Variants in DGKI observed in about 807,000 individuals in gnomAD.
DGKI encodes the protein diacylglycerol kinase iota.
A neutral mutation model predicts 147.5 loss-of-function variants in DGKI; 55 were observed. The observed-to-expected ratio is 0.37, with a 90% CI of 0.30 to 0.47. DGKI has a LOEUF of 0.47. Ranked by LOEUF, DGKI falls within the 20% of genes least tolerant of loss-of-function variation. The pLI, the probability that DGKI is intolerant of heterozygous loss-of-function variation, is 1.00. For synonymous variants in DGKI, 469 were observed against 477.1 expected (o/e 0.98, Z 0.22); for missense variants, 1,007 against 1,323.8 (o/e 0.76, Z 3.71).
At chr7:137,428,323 C>A (rs1465236041) in intron 28 of DGKI, among the ~76,000 whole-genome samples, 3 of 152,166 alleles carry the variant, frequency 2.0e-5, no homozygotes, top group South Asian at 2.1e-4. Context: ...TCAATAGATG[C>A]AGAAAAGGCC....
intron 20 of DGKI, among the ~76,000 whole-genome samples, chr7:137,533,637 C>A (rs1432498770): frequency 2.0e-5 from 3 of 152,074 alleles, no homozygotes; most frequent in Non-Finnish European, 4.4e-5. Flanking sequence ...ATAATCACGT[C>A]CCAATTAGAG....
chr7:137,396,043 T>C (rs562202051), intron 31 of DGKI: 6 of 193,086 alleles, frequency 3.1e-5, no homozygotes, highest in African/African-American at 1.4e-4. Context: ...ATTCTCTCTG[T>C]GCATACATTT....
At chr7:137,750,098 A>G (rs1795452375) in intron 1 of DGKI, among the ~76,000 whole-genome samples, 1 of 152,224 alleles carries the variant, frequency 6.6e-6, no homozygotes, top group Non-Finnish European at 1.5e-5. Context: ...ATATCAGCAG[A>G]AACTAAGGGC....
intron 1 of DGKI, among the ~76,000 whole-genome samples, chr7:137,756,439 G>C (rs1795684552): frequency 6.6e-6 from 1 of 152,174 alleles, no homozygotes; most frequent in African/African-American, 2.4e-5. Flanking sequence ...GGTTATTTTT[G>C]TAAGACATGA....
chr7:137,618,151 A>ATATATTT, intron 8 of DGKI, among the ~76,000 whole-genome samples: 136 of 10,488 alleles, frequency 0.013, 1 homozygote, highest in African/African-American at 0.016. Context: ...ATATATATAT[A>ATATATTT]TTTTTTTTTT....
intron 28 of DGKI, among the ~76,000 whole-genome samples, chr7:137,432,924 C>T (rs1371052029): frequency 6.6e-6 from 1 of 152,172 alleles, no homozygotes; most frequent in African/African-American, 2.4e-5. Flanking sequence ...AATCAAGTTG[C>T]TCTGCTGGGT....
At chr7:137,791,590 A>C (rs769718123) in intron 1 of DGKI, among the ~76,000 whole-genome samples, 1 of 152,234 alleles carries the variant, frequency 6.6e-6, no homozygotes, top group Non-Finnish European at 1.5e-5. Context: ...CTTAAGTGTG[A>C]AACTCAGCTG....
chr7:137,687,148 G>A (rs940129416), intron 2 of DGKI, among the ~76,000 whole-genome samples: 6 of 152,040 alleles, frequency 3.9e-5, no homozygotes, highest in East Asian at 1.9e-4. Flanking sequence ...CAGGACCCTC[G>A]TCGTCCCTGC....
intron 30 of DGKI, among the ~76,000 whole-genome samples, chr7:137,399,140 G>C (rs756695530): frequency 3.0e-4 from 45 of 151,888 alleles, no homozygotes; most frequent in Admixed American, 1.5e-3. Context: ...CTGTGACAAG[G>C]TCCTCTCAAA....
intron 18 of DGKI, among the ~76,000 whole-genome samples, chr7:137,571,543 C>T (rs1465260466): frequency 6.6e-6 from 1 of 152,202 alleles, no homozygotes. Flanking sequence ...CTATATTTCT[C>T]ACTATGATTC....
chr7:137,522,485 C>T (rs968621621), intron 20 of DGKI, among the ~76,000 whole-genome samples: 1 of 152,098 alleles, frequency 6.6e-6, no homozygotes, highest in Non-Finnish European at 1.5e-5. Context: ...CTTTTGACAG[C>T]ACCTCTCAGT....
At chr7:137,519,931 G>C (rs1397143558) in intron 21 of DGKI, among the ~76,000 whole-genome samples, 2 of 152,004 alleles carry the variant, frequency 1.3e-5, no homozygotes, top group African/African-American at 4.8e-5. Context: ...TCCCCTTTTA[G>C]AGAGTATATG....
At chr7:137,763,147 C>T (rs1795911223) in intron 1 of DGKI, among the ~76,000 whole-genome samples, 1 of 152,338 alleles carries the variant, frequency 6.6e-6, no homozygotes, top group Non-Finnish European at 1.5e-5. Flanking sequence ...ATGGTAAGGA[C>T]TGCAAAGGAC....
At chr7:137,778,665 C>T (rs1252501363) in intron 1 of DGKI, among the ~76,000 whole-genome samples, 1 of 151,860 alleles carries the variant, frequency 6.6e-6, no homozygotes, top group Admixed American at 6.6e-5. Context: ...AGCAGAGACC[C>T]CCATTAAAAG....
At chr7:137,426,202 G>C (rs4732257) in intron 28 of DGKI, among the ~76,000 whole-genome samples, 1 of 151,994 alleles carries the variant, frequency 6.6e-6, no homozygotes, top group Admixed American at 6.5e-5. Context: ...GCGGATCTCT[G>C]GGCAGAAACT....
At chr7:137,479,233 CT>C (rs1481941031) in intron 23 of DGKI, among the ~76,000 whole-genome samples, 3 of 152,156 alleles carry the variant, frequency 2.0e-5, no homozygotes, top group African/African-American at 7.2e-5. Flanking sequence ...ATATACCATG[CT>C]CCTTTCTATT....
At chr7:137,563,829 A>G (rs1438879659) in intron 19 of DGKI, among the ~76,000 whole-genome samples, 12 of 152,150 alleles carry the variant, frequency 7.9e-5, no homozygotes, top group Non-Finnish European at 1.8e-4. Flanking sequence ...ATGTTCATGG[A>G]TTGGAACATT....
chr7:137,710,087 G>T (rs1224690362), intron 1 of DGKI, among the ~76,000 whole-genome samples: 1 of 151,986 alleles, frequency 6.6e-6, no homozygotes, highest in Non-Finnish European at 1.5e-5. Flanking sequence ...AGAGAGAATT[G>T]AAGAGAGAAT....
intron 1 of DGKI, among the ~76,000 whole-genome samples, chr7:137,833,636 A>G (rs1044094474): frequency 3.9e-5 from 6 of 152,212 alleles, no homozygotes; most frequent in Non-Finnish European, 8.8e-5. Flanking sequence ...GAATTGTCCT[A>G]CCAGGGCACT....
Sources: allele counts gnomAD v4.1 joint callset (sites outside exome capture counted in the v4.1 genomes callset), GRCh38; gene constraint gnomAD v4.1.1; transcripts MANE v1.5; gene names NCBI Gene and HGNC (gene_info 2026-07-23, HGNC 2026-07-21).